PPM1H: variants seen among roughly 807,000 people sequenced by gnomAD.
PPM1H encodes the protein protein phosphatase, Mg2+/Mn2+ dependent 1H.
PPM1H carries 27 observed loss-of-function variants against 54.9 expected under a neutral mutation model. The observed-to-expected ratio is 0.49, with a 90% CI of 0.36 to 0.68. PPM1H has a LOEUF of 0.68. Among genes scored for constraint, PPM1H ranks in the 30% least tolerant of loss-of-function variants. PPM1H has a pLI of 0.00. For synonymous variants in PPM1H, 305 were observed against 270.8 expected (o/e 1.13, Z -1.24); for missense variants, 596 against 667.8 (o/e 0.89, Z 1.19).
rs901859476 is a variant in PPM1H, at chr12:62,647,163, T to A, written c.*1326A>T. The A allele has an allele frequency of 2.6e-4, 40 of 152,252 alleles. No individual in the cohort carries two copies. Among genetic ancestry groups the A allele is most frequent in the Admixed American group, 2.6e-3 (40 of 15,284 alleles). The allele number at this position is 152,252 out of a possible 1,614,324, so 9.4% of individuals were successfully genotyped here. A position where few individuals can be genotyped will look rare whatever the true frequency, so the allele number is the denominator to read the frequency against. ...CAGCAGGTAGATATGGCATGCACTG[T>A]GCCTGCTGCTGCTGCTCTTGTGGCG... On this transcript the variant is annotated 3_prime_UTR_variant, in exon 10 of 10. Transcript: ENST00000228705.
rs1872251308 is a variant in PPM1H at position 62,934,393 on chromosome 12, A to G, written c.245+99T>C. On this transcript the variant is annotated intron_variant, in intron 1 of 9. Transcript: ENST00000228705. This position sits in a 1 kb window ranked among gnomAD's most constrained non-coding sequence, Gnocchi z 4.2. The stretch of plus-strand genomic sequence containing the variant: ...GAGGCCTGGACGCCGGCAGCTAGTG[A>G]GAGCCCTGAGGCCGAGAAGCAGGGA... 1 of 1,378,096 alleles carries G rather than the reference A, an allele frequency of 7.3e-7. No individual in the cohort carries two copies. The highest frequency in any genetic ancestry group is 3.1e-5 in the Admixed American group (1 of 32,414). The allele number at this position is 1,378,096 out of a possible 1,614,324, so 85.4% of individuals were successfully genotyped here. A position where few individuals can be genotyped will look rare whatever the true frequency, so the allele number is the denominator to read the frequency against.
Position 62,832,215 on chromosome 12 carries a change from T to TCA in PPM1H, c.308_309dup (p.Lys104Ter). ...GAGGTCACGGCCCCTGCCTTCTTCT[T>TCA]CACAGTGAGCACCTCACAGCTGGCT... On this transcript the variant is annotated frameshift_variant, in exon 2 of 10. Coordinates refer to ENST00000228705, the MANE Select transcript of PPM1H (RefSeq NM_020700.2). LOFTEE classifies it high-confidence loss of function. 5 of 1,613,678 alleles carry TCA rather than the reference T, an allele frequency of 3.1e-6. No individual in the cohort carries two copies. Among genetic ancestry groups the TCA allele is most frequent in the Non-Finnish European group, 4.2e-6 (5 of 1,179,772 alleles).
At chr12:62,859,921 G>T (rs1053324859) in intron 1 of PPM1H, among the ~76,000 whole-genome samples, 2 of 152,202 alleles carry the variant, frequency 1.3e-5, no homozygotes, top group East Asian at 3.9e-4. Flanking sequence ...TACAGCATGC[G>T]CTAACAGAGA....
rs376904027 is a variant in PPM1H, at chr12:62,731,639, C to T, written c.954+5863G>A. Among the ~76,000 whole-genome samples, 6 of 152,174 alleles carry T rather than the reference C, an allele frequency of 3.9e-5. No individual in the cohort carries two copies. The East Asian group carries it at 9.6e-4, about 24-fold the overall frequency. ...CCTCAGATAATGTTGCACTTGTGTT[C>T]ATCAAATATGTACTTGAAACCCACG... On this transcript the variant is annotated intron_variant, in intron 5 of 9. Transcript: ENST00000228705.
intron 1 of PPM1H, among the ~76,000 whole-genome samples, chr12:62,893,783 C>T (rs1022210943): frequency 3.3e-5 from 5 of 152,060 alleles, no homozygotes; most frequent in African/African-American, 4.8e-5. Context: ...CACCACACCC[C>T]GCGTTCATTT....
chr12:62,718,431 G>A (rs2076246977), intron 6 of PPM1H, among the ~76,000 whole-genome samples: 1 of 152,022 alleles, frequency 6.6e-6, no homozygotes, highest in Admixed American at 6.6e-5. Flanking sequence ...TCTTAGAATG[G>A]CCCTCCAAAA....
intron 4 of PPM1H, among the ~76,000 whole-genome samples, chr12:62,745,106 C>A (rs1204743190): frequency 6.6e-6 from 1 of 152,054 alleles, no homozygotes; most frequent in East Asian, 1.9e-4. Flanking sequence ...CTGACCACCT[C>A]GACACCTAGC....
rs151059037 is a variant in PPM1H at position 62,681,957 on chromosome 12, T to C, written c.1245+7742A>G. Among the ~76,000 whole-genome samples the C allele has an allele frequency of 4.1e-4, 63 of 152,342 alleles. 1 individual carries two copies. In the East Asian group the frequency reaches 9.8e-3, roughly 24 times the overall value. ...TCAGTTTTTTCCTTGGTTTCCTTAG[T>C]ATAACAACTCTATTGTCCTCTTTTT... On this transcript the variant is annotated intron_variant, in intron 8 of 9. Transcript: ENST00000228705.
chr12:62,890,717 TACACACACACAC>T (rs5798665), intron 1 of PPM1H, among the ~76,000 whole-genome samples: 1,500 of 143,278 alleles, frequency 0.01, 26 homozygotes, highest in African/African-American at 0.034. Flanking sequence ...TGTGTGTGTA[TACACACACACAC>T]ACACACACAC....
intron 1 of PPM1H, among the ~76,000 whole-genome samples, chr12:62,836,485 T>C (rs1292447368): frequency 1.3e-5 from 2 of 152,216 alleles, no homozygotes; most frequent in Non-Finnish European, 2.9e-5. Context: ...GTCAACTCTA[T>C]AAGGTAGCTG....
chr12:62,648,670 A>T (rs1230258921), intron 9 of PPM1H, 34 bp from the exon 10 acceptor site: 1 of 1,609,242 alleles, frequency 6.2e-7, no homozygotes, highest in Admixed American at 1.7e-5. Context: ...GACAGTCAGT[A>T]GAGCATCAGA....
chr12:62,857,709 G>A (rs1220125913), intron 1 of PPM1H, among the ~76,000 whole-genome samples: 1 of 152,032 alleles, frequency 6.6e-6, no homozygotes. Context: ...TTATCACATT[G>A]CTGTCACTGA....
At chr12:62,718,261 C>T (rs180817009) in intron 6 of PPM1H, among the ~76,000 whole-genome samples, 77 of 152,238 alleles carry the variant, frequency 5.1e-4, no homozygotes, top group African/African-American at 1.9e-3. Context: ...TACCTTTATC[C>T]CTTGGCCTAA....
intron 2 of PPM1H, among the ~76,000 whole-genome samples, chr12:62,831,658 A>T (rs1943469439): frequency 6.6e-6 from 1 of 151,632 alleles, no homozygotes. Flanking sequence ...CTATTTCCTT[A>T]CAAAGACCTA....
chr12:62,759,680 G>A (rs1274934646), intron 4 of PPM1H, among the ~76,000 whole-genome samples: 1 of 152,158 alleles, frequency 6.6e-6, no homozygotes, highest in Non-Finnish European at 1.5e-5. Flanking sequence ...TTTCTGGGGG[G>A]CAAGCACCCC....
Position 62,893,755 on chromosome 12 carries a change from A to G in PPM1H, c.245+40737T>C, listed in dbSNP as rs1413514587. Among the ~76,000 whole-genome samples, 12 of 152,092 alleles carry G rather than the reference A, an allele frequency of 7.9e-5. No individual in the cohort carries two copies. In the East Asian group the frequency reaches 2.3e-3, roughly 29 times the overall value. ...ACCTGCCTCAGCCTCCCAAAGTGCT[A>G]GGATTACAGGTGTGAACCACCACAC... On this transcript the variant is annotated intron_variant, in intron 1 of 9. Transcript: ENST00000228705.
chr12:62,759,694 C>T (rs980680859), intron 4 of PPM1H, among the ~76,000 whole-genome samples: 3 of 151,930 alleles, frequency 2.0e-5, no homozygotes, highest in Non-Finnish European at 4.4e-5. Flanking sequence ...GCACCCCTGA[C>T]TCCTTCTCTC....
intron 1 of PPM1H, among the ~76,000 whole-genome samples, chr12:62,887,167 A>G (rs1456407946): frequency 6.6e-6 from 1 of 152,232 alleles, no homozygotes; most frequent in Non-Finnish European, 1.5e-5. Flanking sequence ...AGACATTTCC[A>G]CAGACAGGCC....
chr12:62,919,663 A>G (rs1285710370), intron 1 of PPM1H, among the ~76,000 whole-genome samples: 2 of 152,214 alleles, frequency 1.3e-5, no homozygotes, highest in Non-Finnish European at 2.9e-5. Flanking sequence ...TTCATCCAAG[A>G]AAATGAAATA....
Sources: gnomAD v4.1 joint callset for allele counts (sites outside exome capture counted in the v4.1 genomes callset) on GRCh38, gnomAD v4.1.1 for gene constraint, Gnocchi (gnomAD v3.1) non-coding constraint, MANE v1.5 for transcripts, NCBI Gene and HGNC (gene_info 2026-07-23, HGNC 2026-07-21) for gene names.